CCDC163: variants seen among roughly 807,000 people sequenced by gnomAD.
CCDC163 encodes CCDC163 homolog.
CCDC163 carries 13 observed loss-of-function variants against 8.2 expected under a neutral mutation model. The observed-to-expected ratio is 1.59, with a 90% CI of 1.04 to 2.54. The LOEUF is 2.54. CCDC163 is among the 30% of genes most tolerant of loss of function. CCDC163 has a pLI of 0.00. For missense variants in CCDC163, 117 were observed against 78.6 expected, an observed-to-expected ratio of 1.49 and a Z score of -1.85; for synonymous variants, 41 against 30.9, an observed-to-expected ratio of 1.33 and a Z score of -1.08.
intron 4 of CCDC163, chr1:45,496,197 T>C (rs1209923952): frequency 2.7e-6 from 1 of 370,392 alleles, no homozygotes; most frequent in Non-Finnish European, 5.2e-6. Flanking sequence ...GGCATCTTGG[T>C]CCTCTGTCCT....
At chr1:45,497,740 C>A (rs1353351853) in intron 2 of CCDC163, among the ~76,000 whole-genome samples, 1 of 25,736 alleles carries the variant, frequency 3.9e-5, no homozygotes, top group East Asian at 8.7e-4. Flanking sequence ...GCCAGCCGCC[C>A]CGTCTGGGAG....
chr1:45,498,080 C>T (rs1424483478), intron 2 of CCDC163, among the ~76,000 whole-genome samples: 2 of 151,108 alleles, frequency 1.3e-5, no homozygotes, highest in Admixed American at 6.6e-5. Context: ...TGTGACCTTA[C>T]CCCCAACCCT....
chr1:45,499,970 C>G lies in CCDC163; in HGVS notation c.-361G>C, dbSNP rs1188370913. On this transcript the variant is annotated 5_prime_UTR_variant, in exon 1 of 5. Transcript: ENST00000629482. ...ACTGCCGCCGCCGGGTTCAAAACTT[C>G]GGGTTGGTTTTGAAAGTCCGACTTT... 2.0e-6 allele frequency: 1 copy of G among 488,622 alleles called. No individual in the cohort carries two copies. The highest frequency in any genetic ancestry group is 1.9e-5 in the African/African-American group (1 of 51,518). 30.3% of individuals were successfully genotyped at this position (488,622 alleles called of 1,614,324 possible).
rs1435386385 is a variant in CCDC163 at position 45,496,554 on chromosome 1, A to T, written c.330+2T>A. On this transcript the variant is annotated splice_donor_variant, in intron 4 of 4. Coordinates refer to ENST00000629482, the MANE Select transcript of CCDC163 (RefSeq NM_001102601.3). LOFTEE classifies it high-confidence loss of function. ...CAGAGACAAGTCTGAACCTAGTCCT[A>T]CCTTCCAACTGCCAACCTGAGCCTG... 9.0e-6 allele frequency: 7 copies of T among 780,438 alleles called. No individual in the cohort carries two copies. Among genetic ancestry groups the T allele is most frequent in the Non-Finnish European group, 1.7e-5 (7 of 417,902 alleles). 48.3% of individuals were successfully genotyped at this position (780,438 alleles called of 1,614,324 possible). A position where few individuals can be genotyped will look rare whatever the true frequency, so the allele number is the denominator to read the frequency against.
chr1:45,496,493 G>T, intron 4 of CCDC163, 63 bp downstream of exon 4: 2 of 752,264 alleles, frequency 2.7e-6, no homozygotes, highest in South Asian at 2.8e-5. Context: ...GAACAGGATA[G>T]ACAGAGAAAG....
At position 45,499,587 on chromosome 1, in the gene CCDC163, A is replaced by G. The variant is rs754083314; in HGVS notation, c.23T>C (p.Phe8Ser). The change falls in exon 1 of 5, where the codon TTT (phenylalanine) becomes TCT (serine). Residue 8 changes from phenylalanine (F) to serine (S), a missense_variant. By Grantham distance (155) the Phe-to-Ser change is radical. Transcript: ENST00000629482. MNTSLSWFEQLDVLLNAT... is the reference protein window; with the variant it reads MNTSLSWSEQLDVLLNAT... ...GTTGAGAAGCACATCCAGCTGCTCA[A>G]ACCAGCTGAGGCTCGTATTCATATC... is the stretch of plus-strand genomic sequence containing the variant. 6.4e-6 allele frequency: 5 copies of G among 775,558 alleles called. No individual in the cohort carries two copies. The highest frequency in any genetic ancestry group is 1.2e-5 in the Non-Finnish European group (5 of 415,740). 48.0% of individuals were successfully genotyped at this position (775,558 alleles called of 1,614,324 possible).
chr1:45,499,442 T>C lies in CCDC163; in HGVS notation c.80A>G (p.Gln27Arg), dbSNP rs753408882. 2.6e-6 allele frequency: 2 copies of C among 778,808 alleles called. No individual in the cohort carries two copies. Among genetic ancestry groups the C allele is most frequent in the African/African-American group, 1.7e-5 (1 of 59,056 alleles). The allele number at this position is 778,808 out of a possible 1,614,324, so 48.2% of individuals were successfully genotyped here. Residue 27 changes from glutamine to arginine, a missense_variant and splice_region_variant, in exon 2 of 5, where the codon CAG becomes CGG. Transcript: ENST00000629482. Reference protein sequence around the residue: ...ATDGNVVRNKQWLYPLGVSTE... With the variant: ...ATDGNVVRNKRWLYPLGVSTE... Reference sequence around the variant, plus strand: ...GGAGACCCCAAGAGGATACAGCCACTGCTACAAAAGAAACAGATGCACAGG... The same window carrying C: ...GGAGACCCCAAGAGGATACAGCCACCGCTACAAAAGAAACAGATGCACAGG...
chr1:45,497,503 T>C, intron 2 of CCDC163, 120 bp from the exon 3 acceptor site: 1 of 610,240 alleles, frequency 1.6e-6, no homozygotes, highest in Non-Finnish European at 3.0e-6. Context: ...TTCAAAGGCC[T>C]CAAGAAGGCA....
At chr1:45,498,394 CAAA>C (rs779532347) in intron 2 of CCDC163, 8 of 104,302 alleles carry the variant, frequency 7.7e-5, no homozygotes, top group East Asian at 2.7e-4. Flanking sequence ...AAAACAAACC[CAAA>C]AAAAAAAAAA....
chr1:45,500,025 A>G lies in CCDC163; in HGVS notation c.-416T>C, dbSNP rs1643500771. 1.9e-6 allele frequency: 1 copy of G among 520,296 alleles called. No individual in the cohort carries two copies. The highest frequency in any genetic ancestry group is 3.5e-6 in the Non-Finnish European group (1 of 286,700). 32.2% of individuals were successfully genotyped at this position (520,296 alleles called of 1,614,324 possible). The stretch of plus-strand genomic sequence containing the variant: ...TGGCTGCCGCAGCGCCACCTGGGAA[A>G]CTGAGGTCGCCTCTTGCGAACACAA... On this transcript the variant is annotated 5_prime_UTR_variant, in exon 1 of 5. Coordinates refer to ENST00000629482, the MANE Select transcript of CCDC163 (RefSeq NM_001102601.3).
intron 2 of CCDC163, among the ~76,000 whole-genome samples, chr1:45,499,084 T>C (rs950544603): frequency 6.6e-6 from 1 of 152,194 alleles, no homozygotes; most frequent in African/African-American, 2.4e-5. Flanking sequence ...GCTCAGCCTT[T>C]GTGGAACTAT....
intron 4 of CCDC163, chr1:45,496,346 C>T: frequency 1.5e-6 from 1 of 669,708 alleles, no homozygotes; most frequent in Non-Finnish European, 2.7e-6. Context: ...CACTTGGAAC[C>T]CTCATGTCGG....
intron 2 of CCDC163, among the ~76,000 whole-genome samples, chr1:45,497,663 G>A (rs1421242281): frequency 3.2e-5 from 3 of 93,030 alleles, no homozygotes; most frequent in African/African-American, 4.3e-5. Flanking sequence ...TCTGGGAAGT[G>A]AGGAGCGTCT....
intron 2 of CCDC163, among the ~76,000 whole-genome samples, chr1:45,497,616 GTGCCGAGAC>G: frequency 7.8e-6 from 1 of 128,870 alleles, no homozygotes; most frequent in African/African-American, 3.0e-5. Flanking sequence ...GCCTCCCAAA[GTGCCGAGAC>G]TGCAGCCTCT....
At chr1:45,497,718 G>A (rs1643371198) in intron 2 of CCDC163, among the ~76,000 whole-genome samples, 2 of 33,900 alleles carry the variant, frequency 5.9e-5, no homozygotes, top group Admixed American at 3.3e-4. Context: ...GAGGGGGTCA[G>A]CCCCCCGCCA....
intron 2 of CCDC163, among the ~76,000 whole-genome samples, chr1:45,497,609 TC>T: frequency 9.1e-6 from 1 of 110,332 alleles, no homozygotes; most frequent in Admixed American, 9.8e-5. Context: ...TGCCTTGGCC[TC>T]CCAAAGTGCC....
chr1:45,497,391 C>T lies in CCDC163; in HGVS notation c.178-8G>A. 1 of 777,702 alleles carries T rather than the reference C, an allele frequency of 1.3e-6. No homozygotes were observed. Among genetic ancestry groups the T allele is most frequent in the Non-Finnish European group, 2.4e-6 (1 of 416,442 alleles). 48.2% of individuals were successfully genotyped at this position (777,702 alleles called of 1,614,324 possible). On this transcript the variant is annotated splice_region_variant and splice_polypyrimidine_tract_variant and intron_variant, in intron 2 of 4. Coordinates refer to ENST00000629482, the MANE Select transcript of CCDC163 (RefSeq NM_001102601.3). The stretch of plus-strand genomic sequence containing the variant: ...AGTGACAGCAGTGCTATTCTAAAGT[C>T]AATCAACAAATCCAGAGTAAGAAGG...
At position 45,494,936 on chromosome 1, in the gene CCDC163, G is replaced by A; in HGVS notation, c.*123C>T. On this transcript the variant is annotated 3_prime_UTR_variant, in exon 5 of 5. Coordinates refer to ENST00000629482, the MANE Select transcript of CCDC163 (RefSeq NM_001102601.3). ...GGGCAGGCAGTGAAAAGCCTCAGTA[G>A]ATAAGACAGATAATAGCTACTTCAA... 1 of 691,806 alleles carries A rather than the reference G, an allele frequency of 1.4e-6. No individual in the cohort carries two copies. The highest frequency in any genetic ancestry group is 2.6e-6 in the Non-Finnish European group (1 of 377,816). 42.9% of individuals were successfully genotyped at this position (691,806 alleles called of 1,614,324 possible).
intron 3 of CCDC163, 21 bp downstream of exon 3, chr1:45,497,278 C>T (rs370418686): frequency 1.9e-5 from 15 of 773,318 alleles, no homozygotes; most frequent in Admixed American, 1.5e-4. Flanking sequence ...GCATATTCGC[C>T]CCCAACCACC....
Sources: allele counts gnomAD v4.1 joint callset (sites outside exome capture counted in the v4.1 genomes callset), GRCh38; gene constraint gnomAD v4.1.1; transcripts MANE v1.5; gene names NCBI Gene and HGNC (gene_info 2026-07-23, HGNC 2026-07-21).